The following TEAD1 variants were observed in gnomAD, a reference collection of about 807,000 sequenced individuals.
TEAD1 encodes the protein TEA domain transcription factor 1.
A neutral mutation model predicts 54.9 loss-of-function variants in TEAD1; 9 were observed. The ratio of observed to expected loss-of-function variants is 0.16; its 90% CI spans 0.10 to 0.29. TEAD1 has a LOEUF of 0.29. Among genes scored for constraint, TEAD1 ranks in the 10% least tolerant of loss-of-function variants. TEAD1 has a pLI of 1.00. For synonymous variants in TEAD1, 200 were observed against 187.8 expected (o/e 1.07, Z -0.53); for missense variants, 387 against 535.9 (o/e 0.72, Z 2.74).
At chr11:12,815,671 C>T (rs979606992) in intron 3 of TEAD1, among the ~76,000 whole-genome samples, 2 of 152,144 alleles carry the variant, frequency 1.3e-5, no homozygotes, top group African/African-American at 4.8e-5. Context: ...GTAATCTGGG[C>T]AGAAGTATAG....
intron 9 of TEAD1, among the ~76,000 whole-genome samples, chr11:12,896,603 T>C (rs1230946923): frequency 2.0e-5 from 3 of 152,238 alleles, no homozygotes; most frequent in Admixed American, 6.5e-5. Flanking sequence ...ATGAACAATA[T>C]GTTTAATGCT....
intron 9 of TEAD1, among the ~76,000 whole-genome samples, chr11:12,893,012 T>C (rs1948230143): frequency 6.6e-6 from 1 of 152,210 alleles, no homozygotes; most frequent in Non-Finnish European, 1.5e-5. Context: ...GGTTCATCAC[T>C]GCTCAGATGA....
At chr11:12,721,235 A>G (rs1255316300) in intron 2 of TEAD1, among the ~76,000 whole-genome samples, 1 of 152,210 alleles carries the variant, frequency 6.6e-6, no homozygotes, top group Non-Finnish European at 1.5e-5. Flanking sequence ...GTGCAGGAAG[A>G]AAGCTTCCCT....
intron 10 of TEAD1, among the ~76,000 whole-genome samples, chr11:12,922,192 CTTTTTTTTTTTTT>C (rs756723520): frequency 1.1e-5 from 1 of 94,518 alleles, no homozygotes; most frequent in East Asian, 2.9e-4. Context: ...ACATGGTTCT[CTTTTTTTTTTTTT>C]TTTTTTTTTG....
At chr11:12,692,662 G>C (rs551381482) in intron 2 of TEAD1, among the ~76,000 whole-genome samples, 1 of 152,190 alleles carries the variant, frequency 6.6e-6, no homozygotes, top group African/African-American at 2.4e-5. Flanking sequence ...CACAAGGCAG[G>C]CTTCTGTGCC....
At chr11:12,933,842 T>A (rs562330827) in intron 12 of TEAD1, among the ~76,000 whole-genome samples, 2 of 152,272 alleles carry the variant, frequency 1.3e-5, no homozygotes, top group South Asian at 4.1e-4. Flanking sequence ...TGAGATACCA[T>A]CTCACACCAG....
chr11:12,861,407 A>ACATTTAGGGGGTGTCTG (rs1351871171), intron 3 of TEAD1, among the ~76,000 whole-genome samples: 13 of 152,024 alleles, frequency 8.6e-5, no homozygotes, highest in African/African-American at 3.1e-4. Context: ...TTCACTGACT[A>ACATTTAGGGGGTGTCTG]CCTTTAGGGG....
chr11:12,764,506 C>T lies in TEAD1; in HGVS notation c.202+72C>T, dbSNP rs543725460. On this transcript the variant is annotated intron_variant, in intron 3 of 12. Transcript: ENST00000527636. The stretch of plus-strand genomic sequence containing the variant: ...TGGTAGGGGATAGATTGTAGCTGGT[C>T]TTCCAGCAAGAGCTGTTCATTGTAT... 36 of 1,554,466 alleles carry T rather than the reference C, an allele frequency of 2.3e-5. 1 individual carries two copies. The African/African-American group carries it at 3.9e-4, about 17-fold the overall frequency.
intron 12 of TEAD1, 112 bp downstream of exon 12, chr11:12,930,438 T>G: frequency 1.3e-5 from 17 of 1,349,872 alleles, no homozygotes; most frequent in Non-Finnish European, 1.8e-5. Flanking sequence ...CTGACCAGGT[T>G]GTTGGATTGG....
intron 3 of TEAD1, chr11:12,848,933 G>A (rs927762154): frequency 6.6e-6 from 1 of 152,088 alleles, no homozygotes; most frequent in Admixed American, 6.6e-5. Context: ...CTGGGCAACA[G>A]AGTGAGACGC....
chr11:12,784,104 A>C (rs975459249), intron 3 of TEAD1, among the ~76,000 whole-genome samples: 9 of 152,100 alleles, frequency 5.9e-5, no homozygotes, highest in Admixed American at 2.6e-4. Context: ...GAGGGGATGG[A>C]TGGGAAGGAC....
chr11:12,707,134 T>C (rs1474696225), intron 2 of TEAD1, among the ~76,000 whole-genome samples: 1 of 150,816 alleles, frequency 6.6e-6, no homozygotes, highest in African/African-American at 2.4e-5. Context: ...TTTTTTTTTT[T>C]TTTCAGAAGC....
chr11:12,715,075 G>C (rs535138005), intron 2 of TEAD1, among the ~76,000 whole-genome samples: 34 of 152,236 alleles, frequency 2.2e-4, no homozygotes, highest in African/African-American at 7.7e-4. Flanking sequence ...ATGTAGCTAT[G>C]AATAAAACAC....
chr11:12,723,573 TTC>T (rs1944255171), intron 2 of TEAD1, among the ~76,000 whole-genome samples: 1 of 152,214 alleles, frequency 6.6e-6, no homozygotes, highest in African/African-American at 2.4e-5. Context: ...AGCGGGGCTT[TTC>T]CTCTTCTCCT....
chr11:12,688,782 G>C (rs1165768570), intron 2 of TEAD1, among the ~76,000 whole-genome samples: 1 of 152,124 alleles, frequency 6.6e-6, no homozygotes, highest in African/African-American at 2.4e-5. Flanking sequence ...GAAATATAGC[G>C]AATGACCCAC....
At chr11:12,929,204 G>GTGTGTGTGTGTGTGT (rs746048067) in intron 11 of TEAD1, among the ~76,000 whole-genome samples, 40 of 139,136 alleles carry the variant, frequency 2.9e-4, no homozygotes, top group Middle Eastern at 3.5e-3. Flanking sequence ...GTGTGTGTCT[G>GTGTGTGTGTGTGTGT]CTTTAGGGTT....
chr11:12,855,972 G>C (rs996596392), intron 3 of TEAD1, among the ~76,000 whole-genome samples: 14 of 151,652 alleles, frequency 9.2e-5, no homozygotes, highest in African/African-American at 3.4e-4. Flanking sequence ...AGGAGTGGTG[G>C]GGGCATATGA....
At chr11:12,864,811 G>T (rs772370108) in intron 4 of TEAD1, 27 bp from the exon 5 acceptor site, 1 of 1,613,884 alleles carries the variant, frequency 6.2e-7, no homozygotes. Context: ...CTTTTCCTTT[G>T]TTTTCCTCCC....
Position 12,920,460 on chromosome 11 carries a change from G to C in TEAD1, c.874-4452G>C, listed in dbSNP as rs546582837. Among the ~76,000 whole-genome samples the C allele has an allele frequency of 5.9e-5, 9 of 152,190 alleles. No individual in the cohort carries two copies. In the South Asian group the frequency reaches 1.9e-3, roughly 32 times the overall value. On this transcript the variant is annotated intron_variant, in intron 10 of 12. Coordinates refer to ENST00000527636, the MANE Select transcript of TEAD1 (RefSeq NM_021961.6). ...CCCATACACAATTGCTTATTTCACT[G>C]TGTTCCCTTCCATAGTCCAGTCTGT...
Sources: allele counts gnomAD v4.1 joint callset (sites outside exome capture counted in the v4.1 genomes callset), GRCh38; gene constraint gnomAD v4.1.1; transcripts MANE v1.5; gene names NCBI Gene and HGNC (gene_info 2026-07-23, HGNC 2026-07-21).